HERC1: variants seen among roughly 807,000 people sequenced by gnomAD.
HERC1 encodes the protein probable E3 ubiquitin-protein ligase HERC1.
HERC1 carries 160 observed loss-of-function variants against 554.3 expected under a neutral mutation model. The ratio of observed to expected loss-of-function variants is 0.29; its 90% CI spans 0.25 to 0.33. The LOEUF (loss-of-function observed/expected upper bound fraction) is 0.33, where lower values mean the gene tolerates loss of function less well. Among genes scored for constraint, HERC1 ranks in the 10% least tolerant of loss-of-function variants. The pLI, the probability that HERC1 is intolerant of heterozygous loss-of-function variation, is 1.00. For missense variants in HERC1, 4,919 were observed against 5,918.5 expected (o/e 0.83, Z 5.54); for synonymous variants, 2,175 against 2,131.7 (o/e 1.02, Z -0.56).
chr15:63,736,136 C>A (rs138008572), intron 12 of HERC1, among the ~76,000 whole-genome samples: 6 of 152,146 alleles, frequency 3.9e-5, no homozygotes, highest in Non-Finnish European at 8.8e-5. Flanking sequence ...ACTTAAAAGA[C>A]CTGAAATGGC....
intron 10 of HERC1, among the ~76,000 whole-genome samples, chr15:63,748,209 G>C (rs2075125448): frequency 6.6e-6 from 1 of 152,162 alleles, no homozygotes; most frequent in African/African-American, 2.4e-5. Context: ...CTGGGCGACA[G>C]AGTGAGACTC....
At position 63,678,187 on chromosome 15, in the gene HERC1, T is replaced by G; in HGVS notation, c.6728A>C (p.Lys2243Thr). The change falls in exon 37 of 78, where the codon AAA becomes ACA. Residue 2243 changes from lysine (K) to threonine (T), a missense_variant. Transcript: ENST00000443617. Reference sequence around the variant, plus strand: ...TGACTCTTTAATACATATCTTAATTTTGTGAAGCCTTTCCATCATTTTTTT... The same window carrying G: ...TGACTCTTTAATACATATCTTAATTGTGTGAAGCCTTTCCATCATTTTTTT... ...INKKMMERLH[K>T]IKICIKESGQ... 1 of 1,614,016 alleles carries G rather than the reference T, an allele frequency of 6.2e-7. No homozygotes were observed. Among genetic ancestry groups the G allele is most frequent in the East Asian group, 2.2e-5 (1 of 44,886 alleles).
At chr15:63,766,469 T>G (rs1233453889) in intron 2 of HERC1, among the ~76,000 whole-genome samples, 17 of 152,058 alleles carry the variant, frequency 1.1e-4, no homozygotes, top group Admixed American at 1.1e-3. Flanking sequence ...GTGCCTGTAA[T>G]CCTAGATACT....
chr15:63,735,348 A>G (rs1487363836), intron 12 of HERC1, among the ~76,000 whole-genome samples: 1 of 140,780 alleles, frequency 7.1e-6, no homozygotes, highest in Non-Finnish European at 1.5e-5. Flanking sequence ...ACAGAATTAG[A>G]ACACATGGAC....
chr15:63,713,584 C>A lies in HERC1; in HGVS notation c.4232G>T (p.Gly1411Val), dbSNP rs36089909. ...RDRMNSGAGS[G>V]ARADDPPPQS... The stretch of plus-strand genomic sequence containing the variant: ...AGGAGGTGGATCATCAGCTCGAGCC[C>A]CAGACCCTGCCCCACTGTTCATTCT... Residue 1411 changes from glycine (G) to valine (V), a missense_variant, in exon 23 of 78, where the codon GGG (glycine) becomes GTG (valine). This residue lies in a region of HERC1 where 1,121 missense variants were observed against 1,244.0 expected (regional missense o/e 0.90). Transcript: ENST00000443617. 9.2e-4 allele frequency: 1,478 copies of A among 1,613,796 alleles called. 12 individuals carry two copies. The African/African-American group carries it at 0.017, about 19-fold the overall frequency.
At chr15:63,688,459 G>C (rs2071912551) in intron 33 of HERC1, among the ~76,000 whole-genome samples, 1 of 152,204 alleles carries the variant, frequency 6.6e-6, no homozygotes, top group South Asian at 2.1e-4. Flanking sequence ...CAGGGGAAAT[G>C]CCAGAACTTG....
intron 1 of HERC1, among the ~76,000 whole-genome samples, chr15:63,786,730 T>C (rs904754791): frequency 6.6e-6 from 1 of 152,076 alleles, no homozygotes; most frequent in Non-Finnish European, 1.5e-5. Context: ...GAAAGTAGAT[T>C]AGTAGTTGCC....
rs2072049202 is a variant in HERC1, at chr15:63,690,552, G to T, written c.5926C>A (p.Gln1976Lys). Residue 1976 changes from glutamine (Q) to lysine (K), a missense_variant, in exon 32 of 78, where the codon CAA (glutamine) becomes AAA (lysine). Transcript: ENST00000443617. ...TTAAAAATAAAAACCTGGGCCATTT[G>T]ATCATCTTCTACACCAGATTCACAA... ...PACESGVEDDQMAQIVERLFS... is the reference protein window; with the variant it reads ...PACESGVEDDKMAQIVERLFS... 6 of 1,600,844 alleles carry T rather than the reference G, an allele frequency of 3.7e-6. No individual in the cohort carries two copies. The East Asian group carries it at 6.7e-5, about 18-fold the overall frequency.
intron 19 of HERC1, 93 bp downstream of exon 19, chr15:63,723,089 A>T: frequency 1.4e-6 from 1 of 706,300 alleles, no homozygotes; most frequent in Non-Finnish European, 2.0e-6. Context: ...AAAAAGGGTG[A>T]TCCCTATAAT....
At chr15:63,763,569 A>G (rs1199852888) in intron 3 of HERC1, among the ~76,000 whole-genome samples, 1 of 151,710 alleles carries the variant, frequency 6.6e-6, no homozygotes, top group Non-Finnish European at 1.5e-5. Context: ...AAAATATTTA[A>G]AAGACTTTCC....
At chr15:63,720,103 CTT>C (rs573648232) in intron 19 of HERC1, among the ~76,000 whole-genome samples, 8 of 71,578 alleles carry the variant, frequency 1.1e-4, no homozygotes, top group Non-Finnish European at 1.6e-4. Context: ...TTTTTCTTCC[CTT>C]TTTTTTTTTT....
rs1177946086 is a variant in HERC1 at position 63,658,753 on chromosome 15, G to T, written c.9425-35C>A. The stretch of plus-strand genomic sequence containing the variant: ...ATAATTCTGTTTTGTTCTCAACAAG[G>T]TAAGAAAAAAATACATCTGAACTAC... On this transcript the variant is annotated intron_variant, in intron 47 of 77. Coordinates refer to ENST00000443617, the MANE Select transcript of HERC1 (RefSeq NM_003922.4). The T allele has an allele frequency of 3.6e-5, 56 of 1,549,330 alleles. No homozygotes were observed. In the Admixed American group the frequency reaches 9.6e-4, roughly 26 times the overall value.
In HERC1 at chr15:63,758,396, A is replaced by C; in HGVS notation, c.1027-27T>G. The C allele has an allele frequency of 6.6e-7, 1 of 1,525,040 alleles. No homozygotes were observed. Among genetic ancestry groups the C allele is most frequent in the South Asian group, 1.2e-5 (1 of 84,012 alleles). 94.5% of individuals were successfully genotyped at this position (1,525,040 alleles called of 1,614,324 possible). A position where few individuals can be genotyped will look rare whatever the true frequency, so the allele number is the denominator to read the frequency against. ...TATTAAAAATTTAAAATATGCAACAAATAGTCAAGACAGTTTTAGTCTGGG... is the reference window on the plus strand; with the variant it reads ...TATTAAAAATTTAAAATATGCAACACATAGTCAAGACAGTTTTAGTCTGGG... On this transcript the variant is annotated intron_variant, in intron 3 of 77. Transcript: ENST00000443617. This position sits in a 1 kb window ranked among gnomAD's most constrained non-coding sequence, Gnocchi z 4.0.
chr15:63,742,052 C>G (rs917574736), intron 12 of HERC1, among the ~76,000 whole-genome samples: 1 of 152,196 alleles, frequency 6.6e-6, no homozygotes, highest in South Asian at 2.1e-4. Flanking sequence ...AGTGATTGCA[C>G]TCAATCTGTG....
At chr15:63,615,660 G>T in intron 76 of HERC1, 108 bp downstream of exon 76, 2 of 733,504 alleles carry the variant, frequency 2.7e-6, no homozygotes, top group South Asian at 2.4e-5. Flanking sequence ...ACATACAGAG[G>T]AATTAACACA....
intron 1 of HERC1, among the ~76,000 whole-genome samples, chr15:63,827,012 T>C (rs1434998846): frequency 6.6e-6 from 1 of 151,502 alleles, no homozygotes; most frequent in Non-Finnish European, 1.5e-5. Flanking sequence ...GAAGATACGG[T>C]TCTAACGATA....
chr15:63,782,833 C>G (rs1199260862), intron 1 of HERC1, among the ~76,000 whole-genome samples: 1 of 152,184 alleles, frequency 6.6e-6, no homozygotes, highest in Non-Finnish European at 1.5e-5. Context: ...GAAGTTGATT[C>G]TAACCCCTAC....
At position 63,680,783 on chromosome 15, in the gene HERC1, T is replaced by C. The variant is rs548468795; in HGVS notation, c.6226-7A>G. 205 of 1,601,476 alleles carry C rather than the reference T, an allele frequency of 1.3e-4. 4 individuals carry two copies. In the South Asian group the frequency reaches 2.1e-3, roughly 17 times the overall value. ...TTTCCTTCACAATATAAAACTAAAATAAAAGTGGGATATTCATTAATACTC... is the reference window on the plus strand; with the variant it reads ...TTTCCTTCACAATATAAAACTAAAACAAAAGTGGGATATTCATTAATACTC... On this transcript the variant is annotated splice_polypyrimidine_tract_variant and splice_region_variant and intron_variant, in intron 34 of 77. Coordinates refer to ENST00000443617, the MANE Select transcript of HERC1 (RefSeq NM_003922.4). The surrounding 1 kb of genome is among the most constrained non-coding windows in gnomAD (Gnocchi z 5.8).
intron 1 of HERC1, among the ~76,000 whole-genome samples, chr15:63,806,247 G>A (rs1206770094): frequency 6.6e-6 from 1 of 150,858 alleles, no homozygotes; most frequent in African/African-American, 2.4e-5. Flanking sequence ...TGCAGTCATA[G>A]CTCAGTGCAC....
Sources: allele counts gnomAD v4.1 joint callset (sites outside exome capture counted in the v4.1 genomes callset), GRCh38; gene constraint gnomAD v4.1.1; regional missense constraint gnomAD v4.1.1; non-coding constraint Gnocchi (gnomAD v3.1); transcripts MANE v1.5; gene names NCBI Gene and HGNC (gene_info 2026-07-23, HGNC 2026-07-21).